CSGALNACT1: variants seen among roughly 807,000 people sequenced by gnomAD.
The protein encoded by CSGALNACT1 is beta4GalNAcT-1.
Under a neutral mutation model 51.0 loss-of-function variants are expected in CSGALNACT1, and 52 were observed. That is an observed-to-expected ratio of 1.02 (90% CI 0.82 to 1.29). The LOEUF is 1.29. Ranked by LOEUF, CSGALNACT1 falls within the 50% of genes most tolerant of loss-of-function variation. The pLI, the probability that CSGALNACT1 is intolerant of heterozygous loss-of-function variation, is 0.00. For synonymous variants in CSGALNACT1, 341 were observed against 254.4 expected (o/e 1.34, Z -3.24); for missense variants, 935 against 679.2 (o/e 1.38, Z -4.19).
intron 8 of CSGALNACT1, among the ~76,000 whole-genome samples, chr8:19,416,662 T>A (rs1256873086): frequency 6.6e-6 from 1 of 152,220 alleles, no homozygotes; most frequent in Non-Finnish European, 1.5e-5. Flanking sequence ...TTCAATTGCC[T>A]GTAGTATTCA....
chr8:19,504,998 G>T (rs181642519), intron 4 of CSGALNACT1, among the ~76,000 whole-genome samples: 2 of 152,100 alleles, frequency 1.3e-5, no homozygotes, highest in Non-Finnish European at 2.9e-5. Context: ...CTCAATGACC[G>T]TGGTTTCCAT....
intron 1 of CSGALNACT1, among the ~76,000 whole-genome samples, chr8:19,753,369 T>C (rs1276572875): frequency 6.6e-6 from 1 of 152,118 alleles, no homozygotes; most frequent in African/African-American, 2.4e-5. Flanking sequence ...AAAAACCAGA[T>C]TGTCTTACCG....
intron 3 of CSGALNACT1, among the ~76,000 whole-genome samples, chr8:19,507,788 T>C (rs954231528): frequency 6.6e-6 from 1 of 152,154 alleles, no homozygotes; most frequent in Non-Finnish European, 1.5e-5. Flanking sequence ...TCACCACCCC[T>C]GGCTAATGTT....
At chr8:19,527,770 T>C (rs545712173) in intron 3 of CSGALNACT1, among the ~76,000 whole-genome samples, 1 of 152,022 alleles carries the variant, frequency 6.6e-6, no homozygotes, top group South Asian at 2.1e-4. Flanking sequence ...ACCAAAAATA[T>C]CAAATTTGGG....
intron 3 of CSGALNACT1, among the ~76,000 whole-genome samples, chr8:19,514,255 C>T (rs2079041514): frequency 6.6e-6 from 1 of 151,560 alleles, no homozygotes; most frequent in Admixed American, 6.6e-5. Context: ...GATCTGAAGC[C>T]TTCTTCCCTG....
At chr8:19,628,998 C>T (rs2054838759) in intron 1 of CSGALNACT1, among the ~76,000 whole-genome samples, 1 of 152,076 alleles carries the variant, frequency 6.6e-6, no homozygotes, top group Non-Finnish European at 1.5e-5. Flanking sequence ...CCACTTATTT[C>T]TAAGAGACCA....
At chr8:19,478,062 G>A (rs776742921) in intron 4 of CSGALNACT1, among the ~76,000 whole-genome samples, 13 of 152,250 alleles carry the variant, frequency 8.5e-5, no homozygotes, top group Admixed American at 2.6e-4. Flanking sequence ...GGTGGTTCCC[G>A]TTAAACAGCA....
chr8:19,740,577 G>T (rs1385896171), intron 1 of CSGALNACT1, among the ~76,000 whole-genome samples: 3 of 152,134 alleles, frequency 2.0e-5, no homozygotes, highest in Non-Finnish European at 4.4e-5. Context: ...AATTCCACTG[G>T]GGTCTTTCTT....
chr8:19,715,242 T>G (rs947489593), intron 1 of CSGALNACT1, among the ~76,000 whole-genome samples: 2 of 152,116 alleles, frequency 1.3e-5, no homozygotes, highest in Non-Finnish European at 2.9e-5. Context: ...TGATTCAAAT[T>G]ATTTCCCACT....
At chr8:19,563,586 G>A (rs183800762) in intron 3 of CSGALNACT1, among the ~76,000 whole-genome samples, 24 of 152,124 alleles carry the variant, frequency 1.6e-4, no homozygotes, top group African/African-American at 4.3e-4. Context: ...CACCATCACC[G>A]CTCTTGAATA....
chr8:19,612,636 G>A (rs1009024864), intron 1 of CSGALNACT1, among the ~76,000 whole-genome samples: 1 of 151,976 alleles, frequency 6.6e-6, no homozygotes, highest in African/African-American at 2.4e-5. Flanking sequence ...GTGAAAAGGA[G>A]GCAGCCCCCA....
intron 7 of CSGALNACT1, 124 bp downstream of exon 6, chr8:19,420,216 G>C (rs1032135697): frequency 6.1e-5 from 53 of 874,304 alleles, no homozygotes; most frequent in Non-Finnish European, 9.7e-5. Flanking sequence ...CCTTTTCTTT[G>C]CTATTGAAGT....
chr8:19,647,131 A>G (rs1191390048), intron 1 of CSGALNACT1, among the ~76,000 whole-genome samples: 1 of 152,144 alleles, frequency 6.6e-6, no homozygotes, highest in Non-Finnish European at 1.5e-5. Flanking sequence ...TGAAGCAGCT[A>G]GGGCCTTCCT....
At chr8:19,626,207 T>C (rs2054433260) in intron 1 of CSGALNACT1, among the ~76,000 whole-genome samples, 1 of 152,190 alleles carries the variant, frequency 6.6e-6, no homozygotes, top group African/African-American at 2.4e-5. Context: ...AGCATGGTAT[T>C]TGCAGAGAAA....
chr8:19,531,273 T>A (rs2082717220), intron 3 of CSGALNACT1, among the ~76,000 whole-genome samples: 1 of 152,134 alleles, frequency 6.6e-6, no homozygotes, highest in Non-Finnish European at 1.5e-5. Flanking sequence ...GAATGTAACA[T>A]AATCAGTCTG....
At chr8:19,461,829 G>A (rs1476444336) in intron 4 of CSGALNACT1, among the ~76,000 whole-genome samples, 1 of 146,904 alleles carries the variant, frequency 6.8e-6, no homozygotes, top group Non-Finnish European at 1.5e-5. Context: ...CATTAGCCAT[G>A]GAGGGTGTAT....
At chr8:19,591,829 G>A (rs778961701) in intron 2 of CSGALNACT1, among the ~76,000 whole-genome samples, 7 of 152,164 alleles carry the variant, frequency 4.6e-5, no homozygotes, top group Non-Finnish European at 1.0e-4. Context: ...GTTTTAGGGA[G>A]AAAATGTAGC....
At chr8:19,624,650 C>T (rs1366881076) in intron 1 of CSGALNACT1, among the ~76,000 whole-genome samples, 1 of 151,824 alleles carries the variant, frequency 6.6e-6, no homozygotes, top group African/African-American at 2.4e-5. Flanking sequence ...CTACTTCCTT[C>T]CATCTTGTAC....
chr8:19,629,821 A>G (rs1318202483), intron 1 of CSGALNACT1, among the ~76,000 whole-genome samples: 1 of 152,222 alleles, frequency 6.6e-6, no homozygotes, highest in East Asian at 1.9e-4. Flanking sequence ...CTAATGTATC[A>G]TTCTCTCAAA....
Sources: allele counts gnomAD v4.1 joint callset (sites outside exome capture counted in the v4.1 genomes callset), GRCh38; gene constraint gnomAD v4.1.1; transcripts MANE v1.5; gene names NCBI Gene and HGNC (gene_info 2026-07-23, HGNC 2026-07-21).